The following FRY variants were observed in gnomAD, a reference collection of about 807,000 sequenced individuals.
The protein encoded by FRY is protein furry homolog.
In FRY, 128 loss-of-function variants were observed where a neutral mutation model predicts 348.4. That is an observed-to-expected ratio of 0.37 (90% CI 0.32 to 0.43). The LOEUF (loss-of-function observed/expected upper bound fraction) is 0.43, where lower values mean the gene tolerates loss of function less well. Among genes scored for constraint, FRY ranks in the 20% least tolerant of loss-of-function variants. FRY has a pLI of 1.00. For synonymous variants in FRY, 1,370 were observed against 1,374.7 expected, an observed-to-expected ratio of 1.00 and a Z score of 0.08; for missense variants, 2,736 against 3,695.2, an observed-to-expected ratio of 0.74 and a Z score of 6.73.
chr13:32,291,100 C>T (rs1290141697), intron 59 of FRY, among the ~76,000 whole-genome samples: 1 of 151,782 alleles, frequency 6.6e-6, no homozygotes, highest in South Asian at 2.1e-4. Flanking sequence ...AAGCAGAAGT[C>T]GATTAAACCA....
chr13:32,205,494 G>A (rs1281113516), intron 31 of FRY, among the ~76,000 whole-genome samples: 2 of 152,130 alleles, frequency 1.3e-5, no homozygotes, highest in African/African-American at 4.8e-5. Context: ...ATGTAATTGG[G>A]GGATTATATA....
chr13:32,259,100 A>G (rs1887491945), intron 51 of FRY, among the ~76,000 whole-genome samples: 2 of 152,368 alleles, frequency 1.3e-5, no homozygotes, highest in African/African-American at 2.4e-5. Flanking sequence ...TGGACTAGCC[A>G]TCCTCTGCAT....
chr13:32,138,659 T>A (rs1029581770), intron 11 of FRY, among the ~76,000 whole-genome samples: 4 of 152,118 alleles, frequency 2.6e-5, no homozygotes, highest in Non-Finnish European at 4.4e-5. Flanking sequence ...AGAAAGAGGA[T>A]GTAGAGTGAA....
intron 25 of FRY, 75 bp from the exon 26 acceptor site, chr13:32,184,901 C>G: frequency 7.8e-7 from 1 of 1,286,890 alleles, no homozygotes; most frequent in African/African-American, 1.5e-5. Context: ...GACAGTGAAT[C>G]TTAGTTTTCA....
chr13:32,172,677 A>G (rs2138218448), intron 18 of FRY, among the ~76,000 whole-genome samples: 1 of 152,312 alleles, frequency 6.6e-6, no homozygotes, highest in Non-Finnish European at 1.5e-5. Context: ...ATGGCAGTAT[A>G]GTAGCATCTG....
In FRY at chr13:32,144,944, TGAAGGCATCAGGGAGGAACAGA is replaced by T. The variant is rs368584338; in HGVS notation, c.1180-2331_1180-2310del. Among the ~76,000 whole-genome samples the T allele has an allele frequency of 4.1e-3, 622 of 152,238 alleles. 4 individuals carry two copies. The highest frequency in any genetic ancestry group is 0.014 in the African/African-American group (600 of 41,530). On this transcript the variant is annotated intron_variant, in intron 11 of 60. Transcript: ENST00000542859. ...ATAATTAGTTTTAACGGGCTGGAAT[TGAAGGCATCAGGGAGGAACAGA>T]GAAGGCTTCACAAAGGAGAGGACAT... is the stretch of plus-strand genomic sequence containing the variant.
chr13:32,062,304 T>C (rs2138447525), intron 1 of FRY, among the ~76,000 whole-genome samples: 2 of 152,226 alleles, frequency 1.3e-5, no homozygotes, highest in Admixed American at 1.3e-4. Context: ...ATATTTCTAT[T>C]GTATGGCATC....
chr13:32,043,711 C>T (rs1243107794), intron 1 of FRY, among the ~76,000 whole-genome samples: 9 of 152,104 alleles, frequency 5.9e-5, no homozygotes, highest in South Asian at 2.1e-4. Flanking sequence ...CAAAAAGCAG[C>T]GGCAAAGTCT....
At chr13:32,142,769 G>A (rs1175065568) in intron 11 of FRY, among the ~76,000 whole-genome samples, 1 of 152,142 alleles carries the variant, frequency 6.6e-6, no homozygotes, top group East Asian at 1.9e-4. Flanking sequence ...TTTTGATTTT[G>A]AATACTTTCT....
intron 58 of FRY, among the ~76,000 whole-genome samples, chr13:32,288,130 G>A (rs988142176): frequency 6.6e-6 from 1 of 152,200 alleles, no homozygotes; most frequent in African/African-American, 2.4e-5. Flanking sequence ...TAATTACCAT[G>A]ATTTGGCACT....
In FRY at chr13:32,147,942, GC is replaced by G; in HGVS notation, c.1390del (p.Gln464ArgfsTer4). 6.4e-7 allele frequency: 1 copy of G among 1,553,684 alleles called. No homozygotes were observed. The highest frequency in any genetic ancestry group is 8.9e-7 in the Non-Finnish European group (1 of 1,124,896). On this transcript the variant is annotated frameshift_variant, in exon 13 of 61. Transcript: ENST00000542859. LOFTEE classifies it high-confidence loss of function. ...NIFVKIIQFI[A>X]QERLDFAMKE... ...CTTTGTGAAAATCATCCAGTTCATT[GC>G]CCAGGTAATGGAGAAGATTCCGGTG...
chr13:32,162,210 T>C (rs981839825), intron 17 of FRY, among the ~76,000 whole-genome samples: 2 of 152,330 alleles, frequency 1.3e-5, no homozygotes, highest in Non-Finnish European at 2.9e-5. Context: ...AAATGTCAAT[T>C]TAGGCTCTAT....
chr13:32,066,773 A>G (rs1874284141), intron 1 of FRY, among the ~76,000 whole-genome samples: 1 of 152,216 alleles, frequency 6.6e-6, no homozygotes, highest in South Asian at 2.1e-4. Context: ...ACTGGCTCCC[A>G]GTGGCCCTCA....
intron 2 of FRY, among the ~76,000 whole-genome samples, chr13:32,080,156 G>A (rs1393771229): frequency 6.6e-6 from 1 of 152,162 alleles, no homozygotes; most frequent in Non-Finnish European, 1.5e-5. Flanking sequence ...TGTTCATAAA[G>A]TTCTCTTCAT....
intron 39 of FRY, among the ~76,000 whole-genome samples, chr13:32,226,886 C>T (rs566617910): frequency 1.3e-5 from 2 of 152,226 alleles, no homozygotes; most frequent in Non-Finnish European, 2.9e-5. Flanking sequence ...AAGCACTTCA[C>T]TTTGAACCAA....
At chr13:32,112,976 TAA>T (rs1472847942) in intron 3 of FRY, among the ~76,000 whole-genome samples, 1 of 152,194 alleles carries the variant, frequency 6.6e-6, no homozygotes, top group African/African-American at 2.4e-5. Flanking sequence ...TGAAATGAAC[TAA>T]GATGTTAAAA....
intron 55 of FRY, among the ~76,000 whole-genome samples, chr13:32,271,506 G>T (rs569699216): frequency 6.6e-6 from 1 of 152,290 alleles, no homozygotes; most frequent in East Asian, 1.9e-4. Context: ...CACAGAGACT[G>T]GATCCTCTGG....
chr13:32,086,122 T>C (rs1875846424), intron 2 of FRY: 1 of 399,210 alleles, frequency 2.5e-6, no homozygotes, highest in Non-Finnish European at 4.9e-6. Flanking sequence ...AGAGTAGGGG[T>C]CTCAGAAAAA....
At chr13:32,215,752 T>G (rs1431902177) in intron 35 of FRY, among the ~76,000 whole-genome samples, 1 of 152,152 alleles carries the variant, frequency 6.6e-6, no homozygotes, top group Non-Finnish European at 1.5e-5. Context: ...TTATTTCTTG[T>G]AGAGACGGAG....
Sources: gnomAD v4.1 joint callset for allele counts (sites outside exome capture counted in the v4.1 genomes callset) on GRCh38, gnomAD v4.1.1 for gene constraint, MANE v1.5 for transcripts, NCBI Gene and HGNC (gene_info 2026-07-23, HGNC 2026-07-21) for gene names.